OPCML: variants seen among roughly 807,000 people sequenced by gnomAD.
OPCML encodes the protein opioid binding protein/cell adhesion molecule like.
OPCML carries 13 observed loss-of-function variants against 37.8 expected under a neutral mutation model. That is an observed-to-expected ratio of 0.34 (90% confidence interval 0.22 to 0.55). OPCML has a LOEUF of 0.55. Among genes scored for constraint, OPCML ranks in the 20% least tolerant of loss-of-function variants. The pLI is 0.91. For missense variants in OPCML, 341 were observed against 435.6 expected (o/e 0.78, Z 1.93); for synonymous variants, 176 against 168.8 (o/e 1.04, Z -0.33).
At chr11:132,570,820 G>GAGAGAGA (rs1245612388) in intron 3 of OPCML, among the ~76,000 whole-genome samples, 42 of 123,670 alleles carry the variant, frequency 3.4e-4, no homozygotes, top group Middle Eastern at 4.6e-3. Context: ...GAGAGAGAGA[G>GAGAGAGA]GATATATACT....
At chr11:132,783,222 C>G (rs779295497) in intron 2 of OPCML, among the ~76,000 whole-genome samples, 1 of 152,008 alleles carries the variant, frequency 6.6e-6, no homozygotes, top group Non-Finnish European at 1.5e-5. Flanking sequence ...GATGGGGATT[C>G]GGAGCTGAGT....
rs577304397 is a variant in OPCML at position 132,943,179 on chromosome 11, C to A, written c.62-169G>T. 5.0e-5 allele frequency: 80 copies of A among 1,587,606 alleles called. No homozygotes were observed. The highest frequency in any genetic ancestry group is 8.5e-5 in the Admixed American group (5 of 58,702). On this transcript the variant is annotated intron_variant, in intron 1 of 7. Coordinates refer to ENST00000524381, the MANE Select transcript of OPCML (RefSeq NM_001012393.5). This position sits in a 1 kb window ranked among gnomAD's most constrained non-coding sequence, Gnocchi z 4.3. Reference sequence around the variant, plus strand: ...GCACCAGCGGGCTCGGGAAGCGGTGCGGGGAGGAGGGAAGGGGCAGAGTTC... The same window carrying A: ...GCACCAGCGGGCTCGGGAAGCGGTGAGGGGAGGAGGGAAGGGGCAGAGTTC...
intron 1 of OPCML, among the ~76,000 whole-genome samples, chr11:133,506,074 A>G (rs1187501520): frequency 6.6e-6 from 1 of 152,182 alleles, no homozygotes; most frequent in Non-Finnish European, 1.5e-5. Flanking sequence ...CATTAGCAAG[A>G]TATTTCTTCC....
chr11:133,081,183 G>A (rs1948710882), intron 1 of OPCML, among the ~76,000 whole-genome samples: 1 of 152,168 alleles, frequency 6.6e-6, no homozygotes, highest in Non-Finnish European at 1.5e-5. Flanking sequence ...GTGGAGAGGG[G>A]AGGTATACCC....
chr11:132,469,797 G>GGT (rs540196592), intron 4 of OPCML, among the ~76,000 whole-genome samples: 2 of 87,622 alleles, frequency 2.3e-5, no homozygotes, highest in Non-Finnish European at 5.0e-5. Context: ...TGTGTGGAGG[G>GGT]GTGTGTGTGT....
At chr11:132,956,429 T>C (rs557884329) in intron 1 of OPCML, among the ~76,000 whole-genome samples, 1 of 152,374 alleles carries the variant, frequency 6.6e-6, no homozygotes, top group South Asian at 2.1e-4. Flanking sequence ...TATGTTTACA[T>C]GATAGTGCCC....
At chr11:133,439,917 T>A (rs1946327880) in intron 1 of OPCML, among the ~76,000 whole-genome samples, 1 of 152,192 alleles carries the variant, frequency 6.6e-6, no homozygotes, top group Non-Finnish European at 1.5e-5. Context: ...CCAAAATGGC[T>A]GAATATCCAG....
At chr11:132,643,572 G>A (rs1488554875) in intron 3 of OPCML, among the ~76,000 whole-genome samples, 1 of 152,140 alleles carries the variant, frequency 6.6e-6, no homozygotes, top group African/African-American at 2.4e-5. Context: ...ACCTTCCTCT[G>A]CTTCCTTTAT....
At chr11:133,453,960 G>GA (rs931868517) in intron 1 of OPCML, among the ~76,000 whole-genome samples, 8 of 152,138 alleles carry the variant, frequency 5.3e-5, no homozygotes, top group Admixed American at 3.3e-4. Flanking sequence ...AAATCTGGTG[G>GA]AAAAAATAGA....
chr11:132,431,198 T>G (rs2095995713), intron 7 of OPCML, among the ~76,000 whole-genome samples: 1 of 152,264 alleles, frequency 6.6e-6, no homozygotes, highest in Admixed American at 6.5e-5. Flanking sequence ...GGTTGATAGC[T>G]TTTGGAGACC....
intron 4 of OPCML, among the ~76,000 whole-genome samples, chr11:132,475,901 T>C (rs1320839231): frequency 1.3e-5 from 2 of 152,188 alleles, no homozygotes; most frequent in Admixed American, 1.3e-4. Flanking sequence ...ACATTTATGA[T>C]AGAGTGACAC....
At chr11:132,615,345 A>C (rs1938938679) in intron 3 of OPCML, among the ~76,000 whole-genome samples, 1 of 152,098 alleles carries the variant, frequency 6.6e-6, no homozygotes. Context: ...TCTTGGGAAA[A>C]CTGCTTCTTG....
At chr11:132,515,451 C>T (rs1011142402) in intron 4 of OPCML, among the ~76,000 whole-genome samples, 1 of 152,158 alleles carries the variant, frequency 6.6e-6, no homozygotes, top group South Asian at 2.1e-4. Context: ...AATTCCCTCA[C>T]CTCCTCACTC....
chr11:132,583,870 T>G (rs2096467052), intron 3 of OPCML, among the ~76,000 whole-genome samples: 1 of 152,080 alleles, frequency 6.6e-6, no homozygotes, highest in South Asian at 2.1e-4. Flanking sequence ...CACCTCGGCC[T>G]CCCAAAGTGC....
intron 2 of OPCML, among the ~76,000 whole-genome samples, chr11:132,867,827 A>G (rs1360836283): frequency 6.6e-6 from 1 of 152,172 alleles, no homozygotes; most frequent in African/African-American, 2.4e-5. Flanking sequence ...TTAGCAAGGC[A>G]TTTGGAGGTT....
chr11:132,575,049 T>A (rs1325878379), intron 3 of OPCML, among the ~76,000 whole-genome samples: 2 of 152,052 alleles, frequency 1.3e-5, no homozygotes, highest in Non-Finnish European at 1.5e-5. Flanking sequence ...AAAGTCAGTG[T>A]TATCTCATGT....
At chr11:133,350,659 G>C (rs1944115365) in intron 1 of OPCML, among the ~76,000 whole-genome samples, 1 of 152,160 alleles carries the variant, frequency 6.6e-6, no homozygotes, top group Admixed American at 6.5e-5. Flanking sequence ...TATATAGTGT[G>C]TGGCCAAGAG....
At chr11:132,595,889 T>C (rs2096491718) in intron 3 of OPCML, among the ~76,000 whole-genome samples, 1 of 152,234 alleles carries the variant, frequency 6.6e-6, no homozygotes, top group African/African-American at 2.4e-5. Context: ...GGACAGCATA[T>C]GCCTGAATTT....
intron 1 of OPCML, among the ~76,000 whole-genome samples, chr11:132,998,953 A>G (rs1387102928): frequency 6.6e-6 from 1 of 152,214 alleles, no homozygotes; most frequent in African/African-American, 2.4e-5. Context: ...AAACACACTA[A>G]GACAAACCTT....
Sources: allele counts gnomAD v4.1 joint callset (sites outside exome capture counted in the v4.1 genomes callset), GRCh38; gene constraint gnomAD v4.1.1; non-coding constraint Gnocchi (gnomAD v3.1); transcripts MANE v1.5; gene names NCBI Gene and HGNC (gene_info 2026-07-23, HGNC 2026-07-21).